Variants in LEP observed in about 807,000 individuals in gnomAD.
LEP encodes leptin (murine obesity homolog).
A neutral mutation model predicts 9.8 loss-of-function variants in LEP; 6 were observed. The observed-to-expected ratio is 0.61, with a 90% CI of 0.34 to 1.21. LEP has a LOEUF of 1.21. Among genes scored for constraint, LEP ranks in the 50% most tolerant of loss-of-function variants. The probability of loss-of-function intolerance (pLI) is 0.04; values close to 1 mark genes in which losing one functional copy is unlikely to be tolerated. For synonymous variants in LEP, 112 were observed against 81.7 expected (o/e 1.37, Z -2.00); for missense variants, 134 against 198.1 (o/e 0.68, Z 1.94).
chr7:128,253,937 G>T (rs1409477219), intron 2 of LEP, among the ~76,000 whole-genome samples: 2 of 151,820 alleles, frequency 1.3e-5, no homozygotes, highest in Admixed American at 6.6e-5. Context: ...AGCAGGGTTG[G>T]GGGGCCTCAC....
At chr7:128,242,263 G>A (rs1481033625) in intron 1 of LEP, among the ~76,000 whole-genome samples, 1 of 152,218 alleles carries the variant, frequency 6.6e-6, no homozygotes, top group Admixed American at 6.5e-5. Context: ...GGAGGTGGGT[G>A]AAGAGCAGAG....
chr7:128,251,967 G>C lies in LEP; in HGVS notation c.-28-24G>C. On this transcript the variant is annotated intron_variant, in intron 1 of 2. Coordinates refer to ENST00000308868, the MANE Select transcript of LEP (RefSeq NM_000230.3). Reference sequence around the variant, plus strand: ...TATTCTGAGATACCGGCTCCTTGCAGTGTGTGGTTCCTTCTGTTTTCAGGC... The same window carrying C: ...TATTCTGAGATACCGGCTCCTTGCACTGTGTGGTTCCTTCTGTTTTCAGGC... 7.5e-6 allele frequency: 12 copies of C among 1,596,326 alleles called. No individual in the cohort carries two copies. In the South Asian group the frequency reaches 1.2e-4, roughly 16 times the overall value.
At chr7:128,245,171 C>T (rs1795197180) in intron 1 of LEP, among the ~76,000 whole-genome samples, 1 of 152,150 alleles carries the variant, frequency 6.6e-6, no homozygotes, top group South Asian at 2.1e-4. Flanking sequence ...CACCCCTCTA[C>T]CATATTGAAT....
At chr7:128,242,825 G>A (rs1034042117) in intron 1 of LEP, among the ~76,000 whole-genome samples, 3 of 152,192 alleles carry the variant, frequency 2.0e-5, no homozygotes, top group Non-Finnish European at 4.4e-5. Context: ...CATGCAGAGC[G>A]TGGAGGTGGC....
intron 1 of LEP, among the ~76,000 whole-genome samples, chr7:128,242,862 AC>A (rs147103220): frequency 6.6e-6 from 1 of 152,024 alleles, no homozygotes; most frequent in Admixed American, 6.6e-5. Flanking sequence ...TCAATGTCCC[AC>A]CCCCGCTTAG....
chr7:128,251,080 C>T (rs530887343), intron 1 of LEP, among the ~76,000 whole-genome samples: 5 of 152,300 alleles, frequency 3.3e-5, no homozygotes, highest in Non-Finnish European at 5.9e-5. Context: ...CTATGGCAAC[C>T]ACTTTCTACT....
intron 1 of LEP, 117 bp from the exon 2 acceptor site, chr7:128,251,874 C>A: frequency 2.4e-6 from 2 of 816,630 alleles, no homozygotes; most frequent in South Asian, 1.4e-5. Flanking sequence ...GGGATGGTAG[C>A]CAGAGCAGAA....
At position 128,255,096 on chromosome 7, in the gene LEP, C is replaced by CCCCCTCACTG; in HGVS notation, c.*333_*334insCCCCTCACTG. The CCCCCTCACTG allele has an allele frequency of 2.8e-6, 1 of 362,662 alleles. No individual in the cohort carries two copies. The highest frequency in any genetic ancestry group is 5.3e-6 in the Non-Finnish European group (1 of 187,508). The allele number at this position is 362,662 out of a possible 1,614,324, so 22.5% of individuals were successfully genotyped here. ...CCCATCTCCCCCTCACTGAATGCCTCAATGTGACCAGGGGTGATTTCAGAG... is the reference window on the plus strand; with the variant it reads ...CCCATCTCCCCCTCACTGAATGCCTCCCCCTCACTGAATGTGACCAGGGGTGATTTCAGAG... On this transcript the variant is annotated 3_prime_UTR_variant, in exon 3 of 3. Coordinates refer to ENST00000308868, the MANE Select transcript of LEP (RefSeq NM_000230.3).
At position 128,247,029 on chromosome 7, in the gene LEP, G is replaced by T. The variant is rs142396524; in HGVS notation, c.-28-4962G>T. Among the ~76,000 whole-genome samples, 310 of 152,308 alleles carry T rather than the reference G, an allele frequency of 2.0e-3. 2 individuals carry two copies. Among genetic ancestry groups the T allele is most frequent in the African/African-American group, 6.9e-3 (285 of 41,562 alleles). On this transcript the variant is annotated intron_variant, in intron 1 of 2. Coordinates refer to ENST00000308868, the MANE Select transcript of LEP (RefSeq NM_000230.3). ...CTAGAGACCCCTCTCCTCTCCAGGA[G>T]CTGCTTCAGTAGCACTCAGAGGAAA... is the stretch of plus-strand genomic sequence containing the variant.
chr7:128,253,100 G>A (rs1795294554), intron 2 of LEP, among the ~76,000 whole-genome samples: 1 of 151,974 alleles, frequency 6.6e-6, no homozygotes, highest in African/African-American at 2.4e-5. Context: ...TTGAATCTTA[G>A]TGCCTACGAC....
chr7:128,251,109 G>T (rs1321629755), intron 1 of LEP, among the ~76,000 whole-genome samples: 1 of 152,114 alleles, frequency 6.6e-6, no homozygotes, highest in Non-Finnish European at 1.5e-5. Flanking sequence ...CCCATATTTA[G>T]TCCAATCCCC....
chr7:128,243,496 G>A (rs1441822957), intron 1 of LEP, among the ~76,000 whole-genome samples: 3 of 152,194 alleles, frequency 2.0e-5, no homozygotes, highest in African/African-American at 7.2e-5. Context: ...ACGGGCGGGA[G>A]TATCCAGGGA....
At chr7:128,243,802 A>G (rs190504107) in intron 1 of LEP, among the ~76,000 whole-genome samples, 66 of 152,298 alleles carry the variant, frequency 4.3e-4, no homozygotes, top group Non-Finnish European at 8.1e-4. Flanking sequence ...CATGCAACAG[A>G]TATTTAACGA....
intron 1 of LEP, among the ~76,000 whole-genome samples, chr7:128,245,337 C>T (rs1314282329): frequency 1.3e-5 from 2 of 152,196 alleles, no homozygotes; most frequent in African/African-American, 4.8e-5. Flanking sequence ...TCCCTCTTCC[C>T]CTTTGTTCTT....
intron 1 of LEP, among the ~76,000 whole-genome samples, chr7:128,242,582 C>T (rs973095371): frequency 6.6e-6 from 1 of 152,188 alleles, no homozygotes; most frequent in Non-Finnish European, 1.5e-5. Context: ...TTTCCCTTCC[C>T]AAGCAGTTGT....
intron 1 of LEP, among the ~76,000 whole-genome samples, chr7:128,245,820 T>C (rs966043227): frequency 4.6e-5 from 7 of 152,050 alleles, no homozygotes; most frequent in Non-Finnish European, 1.0e-4. Context: ...TCCCAGCATT[T>C]TGGGAGGCCG....
intron 2 of LEP, among the ~76,000 whole-genome samples, chr7:128,252,926 A>G (rs1795292532): frequency 6.6e-6 from 1 of 152,110 alleles, no homozygotes; most frequent in Non-Finnish European, 1.5e-5. Context: ...GAAAAAAATC[A>G]TAGGATTCTC....
chr7:128,251,880 C>A (rs563312757), intron 1 of LEP, 111 bp from the exon 2 acceptor site: 2 of 866,834 alleles, frequency 2.3e-6, no homozygotes, highest in South Asian at 1.4e-5. Context: ...GTAGCCAGAG[C>A]AGAAAGCAAA....
In LEP at chr7:128,252,146, A is replaced by G. The variant is rs201494642; in HGVS notation, c.128A>G (p.Asn43Ser). 1 of 1,614,230 alleles carries G rather than the reference A, an allele frequency of 6.2e-7. No individual in the cohort carries two copies. Among genetic ancestry groups the G allele is most frequent in the Non-Finnish European group, 8.5e-7 (1 of 1,180,028 alleles). Residue 43 changes from asparagine (N) to serine (S), a missense_variant, in exon 2 of 3, where the codon AAT (asparagine) becomes AGT (serine). Asn to Ser is a conservative substitution (Grantham distance 46, BLOSUM62 1). Coordinates refer to ENST00000308868, the MANE Select transcript of LEP (RefSeq NM_000230.3). ...TLIKTIVTRI[N>S]DISHTQSVSS... Reference sequence around the variant, plus strand: ...ATCAAGACAATTGTCACCAGGATCAATGACATTTCACACACGGTAAGGAGA... The same window carrying G: ...ATCAAGACAATTGTCACCAGGATCAGTGACATTTCACACACGGTAAGGAGA...
Sources: allele counts gnomAD v4.1 joint callset (sites outside exome capture counted in the v4.1 genomes callset), GRCh38; gene constraint gnomAD v4.1.1; transcripts MANE v1.5; gene names NCBI Gene and HGNC (gene_info 2026-07-23, HGNC 2026-07-21).